Variants in BMPR1B observed in about 807,000 individuals in gnomAD.
BMPR1B encodes bone morphogenetic protein receptor type-1B.
A neutral mutation model predicts 59.1 loss-of-function variants in BMPR1B; 12 were observed. The ratio of observed to expected loss-of-function variants is 0.20; its 90% CI spans 0.13 to 0.33. BMPR1B has a LOEUF of 0.33. Ranked by LOEUF, BMPR1B falls within the 10% of genes least tolerant of loss-of-function variation. The probability of loss-of-function intolerance (pLI) is 1.00; values close to 1 mark genes in which losing one functional copy is unlikely to be tolerated. For missense variants in BMPR1B, 550 were observed against 610.9 expected, an observed-to-expected ratio of 0.90 and a Z score of 1.05; for synonymous variants, 237 against 207.3, an observed-to-expected ratio of 1.14 and a Z score of -1.23.
intron 1 of BMPR1B, among the ~76,000 whole-genome samples, chr4:94,816,642 G>GAATATATGA (rs1724020650): frequency 6.6e-6 from 1 of 152,028 alleles, no homozygotes; most frequent in African/African-American, 2.4e-5. Flanking sequence ...AATACAAAAT[G>GAATATATGA]AATATATGAA....
At chr4:95,083,593 A>G (rs1459468475) in intron 3 of BMPR1B, among the ~76,000 whole-genome samples, 2 of 152,186 alleles carry the variant, frequency 1.3e-5, no homozygotes, top group African/African-American at 2.4e-5. Flanking sequence ...TATGATATTC[A>G]GGGTCAGATA....
intron 1 of BMPR1B, among the ~76,000 whole-genome samples, chr4:94,866,911 T>C (rs1415606790): frequency 6.6e-6 from 1 of 152,206 alleles, no homozygotes; most frequent in East Asian, 1.9e-4. Context: ...CTATAGTCTG[T>C]AGCTGGAAAT....
chr4:95,000,616 A>G (rs1000649617), intron 3 of BMPR1B, among the ~76,000 whole-genome samples: 1 of 152,180 alleles, frequency 6.6e-6, no homozygotes, highest in Non-Finnish European at 1.5e-5. Flanking sequence ...CGTATCAAAT[A>G]ATATAAATAT....
intron 2 of BMPR1B, among the ~76,000 whole-genome samples, chr4:94,930,638 C>T (rs1729062427): frequency 6.6e-6 from 1 of 151,994 alleles, no homozygotes; most frequent in African/African-American, 2.4e-5. Flanking sequence ...AACCTACTTT[C>T]AAGGAACTCA....
chr4:94,857,465 T>C (rs1725804297), intron 1 of BMPR1B, among the ~76,000 whole-genome samples: 1 of 152,202 alleles, frequency 6.6e-6, no homozygotes, highest in Non-Finnish European at 1.5e-5. Flanking sequence ...TAGTGGACTA[T>C]AAGATATTTA....
chr4:94,770,502 T>C (rs1722147003), intron 1 of BMPR1B, among the ~76,000 whole-genome samples: 1 of 152,084 alleles, frequency 6.6e-6, no homozygotes, highest in Admixed American at 6.6e-5. Flanking sequence ...TTGATGTTTT[T>C]CCCCCTAGTA....
At chr4:94,809,619 C>T (rs766222744) in intron 1 of BMPR1B, among the ~76,000 whole-genome samples, 54 of 152,248 alleles carry the variant, frequency 3.5e-4, no homozygotes, top group Non-Finnish European at 5.9e-4. Context: ...TCACTTATCT[C>T]CCTCTTTCTT....
chr4:94,850,409 C>G (rs879302291), intron 1 of BMPR1B, among the ~76,000 whole-genome samples: 1 of 152,106 alleles, frequency 6.6e-6, no homozygotes, highest in Non-Finnish European at 1.5e-5. Context: ...TGGCAGGTAG[C>G]GTGACTGCCT....
intron 3 of BMPR1B, among the ~76,000 whole-genome samples, chr4:95,092,520 G>A (rs1191276487): frequency 6.6e-6 from 1 of 151,936 alleles, no homozygotes; most frequent in Non-Finnish European, 1.5e-5. Context: ...AAACTCATTG[G>A]TGATGATAAT....
At chr4:94,785,082 C>G (rs1255520399) in intron 1 of BMPR1B, among the ~76,000 whole-genome samples, 1 of 152,164 alleles carries the variant, frequency 6.6e-6, no homozygotes, top group Non-Finnish European at 1.5e-5. Flanking sequence ...GACAAATGGT[C>G]TCCATTTAGC....
intron 2 of BMPR1B, among the ~76,000 whole-genome samples, chr4:94,884,212 A>G (rs17022464): frequency 0.029 from 4,370 of 152,248 alleles, 197 homozygotes; most frequent in African/African-American, 0.099. Context: ...CTAACTGCCT[A>G]CTGTTCCAGT....
rs538847314 is a variant in BMPR1B, at chr4:94,933,076, C to T, written c.-113+57176C>T. Among the ~76,000 whole-genome samples the T allele has an allele frequency of 5.3e-5, 8 of 152,056 alleles. No homozygotes were observed. The South Asian group carries it at 1.5e-3, about 28-fold the overall frequency. On this transcript the variant is annotated intron_variant, in intron 2 of 12. Coordinates refer to ENST00000515059, the MANE Select transcript of BMPR1B (RefSeq NM_001203.3). ...GTATCTTTCTTTTTCTTTGAGTGTG[C>T]ATATTATATATAAAAGATGTATATA... is the stretch of plus-strand genomic sequence containing the variant.
intron 2 of BMPR1B, among the ~76,000 whole-genome samples, chr4:94,983,750 G>T (rs1305814117): frequency 1.3e-5 from 2 of 152,154 alleles, no homozygotes; most frequent in Non-Finnish European, 2.9e-5. Context: ...CCTCCACAAA[G>T]CCTTCTCTGA....
At position 94,992,814 on chromosome 4, in the gene BMPR1B, A is replaced by G. The variant is rs755448812; in HGVS notation, c.-112-3226A>G. On this transcript the variant is annotated intron_variant, in intron 2 of 12. Transcript: ENST00000515059. The stretch of plus-strand genomic sequence containing the variant: ...CACTGTCATCTCCTTACAACCACCA[A>G]TCTTTACACTGTCTATTGTGTTGCC... Among the ~76,000 whole-genome samples, 65 of 152,152 alleles carry G rather than the reference A, an allele frequency of 4.3e-4. 1 individual carries two copies. The highest frequency in any genetic ancestry group is 2.5e-4 in the Non-Finnish European group (17 of 68,022).
intron 2 of BMPR1B, among the ~76,000 whole-genome samples, chr4:94,970,802 C>G (rs565138283): frequency 6.6e-6 from 1 of 152,264 alleles, no homozygotes; most frequent in African/African-American, 2.4e-5. Flanking sequence ...TCCAAATCTT[C>G]TCTTCCAGCT....
At chr4:94,829,610 T>C (rs989222719) in intron 1 of BMPR1B, among the ~76,000 whole-genome samples, 6 of 152,168 alleles carry the variant, frequency 3.9e-5, no homozygotes, top group African/African-American at 1.4e-4. Flanking sequence ...TCATGGGCAC[T>C]GTGCTAGGTG....
At chr4:95,141,432 C>T (rs1234264797) in intron 10 of BMPR1B, among the ~76,000 whole-genome samples, 1 of 152,184 alleles carries the variant, frequency 6.6e-6, no homozygotes, top group Non-Finnish European at 1.5e-5. Flanking sequence ...TCAGTCATTT[C>T]TGAAAGGCTC....
At chr4:94,892,533 G>T (rs896815674) in intron 2 of BMPR1B, among the ~76,000 whole-genome samples, 1 of 151,958 alleles carries the variant, frequency 6.6e-6, no homozygotes, top group African/African-American at 2.4e-5. Flanking sequence ...ACTGTACCGG[G>T]AGCTGAAGAC....
At chr4:94,926,040 T>G (rs1198184711) in intron 2 of BMPR1B, among the ~76,000 whole-genome samples, 1 of 75,396 alleles carries the variant, frequency 1.3e-5, no homozygotes, top group Non-Finnish European at 2.4e-5. Context: ...TTCCTTCCCC[T>G]CCCTCCTACC....
Sources: gnomAD v4.1 joint callset for allele counts (sites outside exome capture counted in the v4.1 genomes callset) on GRCh38, gnomAD v4.1.1 for gene constraint, MANE v1.5 for transcripts, NCBI Gene and HGNC (gene_info 2026-07-23, HGNC 2026-07-21) for gene names.